Variants in CDH17 observed in about 807,000 individuals in gnomAD.
CDH17 encodes the protein cadherin 17, also known as cadherin-17.
A neutral mutation model predicts 86.3 loss-of-function variants in CDH17; 67 were observed. The ratio of observed to expected loss-of-function variants is 0.78; its 90% CI spans 0.64 to 0.95. The LOEUF (loss-of-function observed/expected upper bound fraction) is 0.95. Ranked by LOEUF, CDH17 falls within the 40% of genes least tolerant of loss-of-function variation. CDH17 has a pLI of 0.00. For synonymous variants in CDH17, 367 were observed against 366.4 expected, an observed-to-expected ratio of 1.00 and a Z score of -0.02; for missense variants, 993 against 1,017.6, an observed-to-expected ratio of 0.98 and a Z score of 0.33.
Position 94,176,867 on chromosome 8 carries a change from T to C in CDH17, c.286-188A>G, listed in dbSNP as rs527762023. ...TGTATCAGTTAAGCCTGGCTAATCA[T>C]GATGGTGACTTTCTATCAGCAGGGT... On this transcript the variant is annotated intron_variant, in intron 4 of 17. Coordinates refer to ENST00000027335, the MANE Select transcript of CDH17 (RefSeq NM_004063.4). Among the ~76,000 whole-genome samples the C allele has an allele frequency of 1.3e-5, 2 of 152,324 alleles. 1 individual carries two copies. Among genetic ancestry groups the C allele is most frequent in the African/African-American group, 4.8e-5 (2 of 41,584 alleles).
At position 94,173,791 on chromosome 8, in the gene CDH17, T is replaced by C; in HGVS notation, c.783+6A>G. The C allele has an allele frequency of 6.2e-7, 1 of 1,612,208 alleles. No homozygotes were observed. The highest frequency in any genetic ancestry group is 8.5e-7 in the Non-Finnish European group (1 of 1,178,606). ...GCTCTCAGTGTTACTTGGGCTTGGG[T>C]ACTACCTGAGTGATTTTGATGGGGT... On this transcript the variant is annotated splice_donor_region_variant and intron_variant, in intron 7 of 17. Transcript: ENST00000027335.
intron 17 of CDH17, among the ~76,000 whole-genome samples, chr8:94,129,362 G>A (rs1239475688): frequency 1.3e-5 from 2 of 152,096 alleles, no homozygotes; most frequent in Non-Finnish European, 2.9e-5. Flanking sequence ...GAGGAAAGAT[G>A]ATCACCATGC....
At chr8:94,210,595 G>A (rs1814107802), upstream of CDH17, among the ~76,000 whole-genome samples, 1 of 152,172 alleles carries the variant, frequency 6.6e-6, no homozygotes, top group African/African-American at 2.4e-5. Context: ...CTGCATTTTA[G>A]GAACTCATTT....
upstream of CDH17, among the ~76,000 whole-genome samples, chr8:94,209,117 T>C (rs1401199108): frequency 1.3e-5 from 2 of 152,128 alleles, no homozygotes; most frequent in Admixed American, 6.5e-5. Context: ...AAACAACCGA[T>C]AGCAAATTTC....
upstream of CDH17, among the ~76,000 whole-genome samples, chr8:94,211,865 T>C (rs1260487901): frequency 6.6e-6 from 1 of 152,252 alleles, no homozygotes; most frequent in Non-Finnish European, 1.5e-5. Context: ...AAGTACTTCT[T>C]AGGACTCAAC....
rs534976804 is a variant in CDH17 at position 94,186,041 on chromosome 8, C to T, written c.150+3146G>A. On this transcript the variant is annotated intron_variant, in intron 3 of 17. Transcript: ENST00000027335. ...GGCTTCATTTATCACTCAGCTAGCC[C>T]CTAAGAGCAGTTGAGATAACTCACC... Among the ~76,000 whole-genome samples the T allele has an allele frequency of 2.6e-5, 4 of 152,084 alleles. No homozygotes were observed. The East Asian group carries it at 7.7e-4, about 29-fold the overall frequency.
At position 94,170,985 on chromosome 8, in the gene CDH17, C is replaced by T; in HGVS notation, c.784G>A (p.Val262Met). ...TGTGCACCGGGATCATTCCACCGCA[C>T]CTACAGGGCCCAAAGTCAGTTGTGA... The part of the protein sequence containing the change: ...TDPHPIKITQ[V>M]RWNDPGAQYS... The change falls in exon 8 of 18, where the codon GTG becomes ATG. Residue 262 changes from valine (V) to methionine (M), a missense_variant and splice_region_variant. Transcript: ENST00000027335. 6.2e-7 allele frequency: 1 copy of T among 1,613,252 alleles called. No individual in the cohort carries two copies. Among genetic ancestry groups the T allele is most frequent in the Non-Finnish European group, 8.5e-7 (1 of 1,179,608 alleles).
At chr8:94,162,296 C>T in intron 10 of CDH17, 134 bp from the exon 11 acceptor site, 2 of 646,890 alleles carry the variant, frequency 3.1e-6, no homozygotes, top group Admixed American at 2.4e-5. Flanking sequence ...GCAATTTGTG[C>T]AGAGAGTGGG....
At chr8:94,136,121 A>T (rs531828830) in intron 15 of CDH17, among the ~76,000 whole-genome samples, 2 of 151,980 alleles carry the variant, frequency 1.3e-5, no homozygotes, top group Non-Finnish European at 2.9e-5. Context: ...TGAATCTGAC[A>T]ATTATGTGTC....
intron 2 of CDH17, among the ~76,000 whole-genome samples, chr8:94,193,416 A>G (rs1332089158): frequency 6.6e-6 from 1 of 152,208 alleles, no homozygotes; most frequent in Non-Finnish European, 1.5e-5. Context: ...TGTGTGTTTA[A>G]CCACCAGTCG....
At chr8:94,162,375 GA>G (rs1201541361) in intron 10 of CDH17, among the ~76,000 whole-genome samples, 9 of 152,210 alleles carry the variant, frequency 5.9e-5, no homozygotes, top group African/African-American at 2.2e-4. Flanking sequence ...ACAGATCTAA[GA>G]GAGATTTTTC....
At chr8:94,203,408 C>T (rs903649246) in intron 1 of CDH17, among the ~76,000 whole-genome samples, 7 of 152,170 alleles carry the variant, frequency 4.6e-5, no homozygotes, top group Non-Finnish European at 7.3e-5. Context: ...GAATTCATAA[C>T]ACCACCAGGA....
In CDH17 at chr8:94,173,844, C is replaced by T. The variant is rs1187813844; in HGVS notation, c.736G>A (p.Glu246Lys). The T allele has an allele frequency of 1.2e-6, 2 of 1,613,840 alleles. No individual in the cohort carries two copies. The highest frequency in any genetic ancestry group is 4.5e-5 in the East Asian group (2 of 44,854). Residue 246 changes from glutamate (E) to lysine (K), a missense_variant, in exon 7 of 18, where the codon GAG becomes AAG. Physicochemically the swap from Glu to Lys is moderately conservative, Grantham distance 56. Transcript: ENST00000027335. ...GGATCAGTTGAGTTTTCCACCATCT[C>T]CACAGGTTTTGGTGCTTTCCAAATA... ...ENIWKAPKPV[E>K]MVENSTDPHP...
At chr8:94,183,326 T>C (rs1279832889) in intron 3 of CDH17, among the ~76,000 whole-genome samples, 1 of 152,144 alleles carries the variant, frequency 6.6e-6, no homozygotes, top group Admixed American at 6.5e-5. Context: ...TAACGTTCTC[T>C]AATTTCAAAA....
intron 15 of CDH17, among the ~76,000 whole-genome samples, chr8:94,140,271 A>G (rs1044254968): frequency 6.6e-6 from 1 of 151,366 alleles, no homozygotes; most frequent in African/African-American, 2.4e-5. Flanking sequence ...AAAAATTTAA[A>G]AATAAAAAAT....
At chr8:94,196,928 C>G (rs1367598563) in intron 1 of CDH17, among the ~76,000 whole-genome samples, 1 of 152,098 alleles carries the variant, frequency 6.6e-6, no homozygotes, top group East Asian at 1.9e-4. Context: ...AAAGATTAGG[C>G]CAGCTTCTTC....
intron 7 of CDH17, 50 bp downstream of exon 7, chr8:94,173,747 G>A: frequency 3.6e-6 from 5 of 1,382,742 alleles, no homozygotes; most frequent in Non-Finnish European, 5.1e-6. Context: ...TCTACAAAGT[G>A]AAGCCATTTA....
intron 1 of CDH17, among the ~76,000 whole-genome samples, chr8:94,214,625 T>C (rs540510563): frequency 3.4e-4 from 52 of 150,782 alleles, no homozygotes; most frequent in African/African-American, 1.2e-3. Flanking sequence ...AAAGCACAAA[T>C]AACAATAGAA....
intron 15 of CDH17, among the ~76,000 whole-genome samples, chr8:94,136,028 T>C (rs1812517077): frequency 6.6e-6 from 1 of 152,224 alleles, no homozygotes. Context: ...GATCCACTGT[T>C]AGTCTGATGG....
Sources: gnomAD v4.1 joint callset for allele counts (sites outside exome capture counted in the v4.1 genomes callset) on GRCh38, gnomAD v4.1.1 for gene constraint, MANE v1.5 for transcripts, NCBI Gene and HGNC (gene_info 2026-07-23, HGNC 2026-07-21) for gene names.